The following CNGB1 variants were observed in gnomAD, a reference collection of about 807,000 sequenced individuals.
CNGB1 encodes the protein cyclic nucleotide gated channel subunit beta 1, also known as cyclic nucleotide-gated channel beta-1.
A neutral mutation model predicts 151.7 loss-of-function variants in CNGB1; 126 were observed. The ratio of observed to expected loss-of-function variants is 0.83; its 90% confidence interval spans 0.72 to 0.96. CNGB1 has a LOEUF of 0.96. CNGB1 is among the 40% of genes least tolerant of loss of function. CNGB1 has a pLI of 0.00. For missense variants in CNGB1, 1,698 were observed against 1,627.0 expected (o/e 1.04, Z -0.75); for synonymous variants, 623 against 635.1 (o/e 0.98, Z 0.29).
chr16:57,965,473 A>T (rs747788491), intron 2 of CNGB1, among the ~76,000 whole-genome samples: 1 of 152,234 alleles, frequency 6.6e-6, no homozygotes, highest in Non-Finnish European at 1.5e-5. Flanking sequence ...ATACAGGTGC[A>T]GAAATATGAG....
At chr16:57,914,867 C>G (rs1332407853) in intron 23 of CNGB1, among the ~76,000 whole-genome samples, 1 of 152,196 alleles carries the variant, frequency 6.6e-6, no homozygotes, top group African/African-American at 2.4e-5. Context: ...CAGAGACCAT[C>G]ATAAAGCAGA....
intron 31 of CNGB1, among the ~76,000 whole-genome samples, chr16:57,889,140 C>A (rs900348265): frequency 3.9e-5 from 6 of 152,160 alleles, no homozygotes; most frequent in African/African-American, 1.4e-4. Context: ...GGGACTCTCC[C>A]TTGCTGACTT....
intron 1 of CNGB1, among the ~76,000 whole-genome samples, chr16:57,969,498 G>A (rs1022870809): frequency 3.3e-5 from 5 of 152,004 alleles, no homozygotes; most frequent in African/African-American, 1.2e-4. Context: ...CGTGCCTGTA[G>A]TACCAGTTAC....
rs766264808 is a variant in CNGB1 at position 57,915,767 on chromosome 16, C to T, written c.2217+362G>A. Among the ~76,000 whole-genome samples, 9 of 151,808 alleles carry T rather than the reference C, an allele frequency of 5.9e-5. No homozygotes were observed. The South Asian group carries it at 1.0e-3, about 18-fold the overall frequency. ...TACAAAAATTAGCTGGGTGTGGTGA[C>T]GCACACTTGTAATCCCAGCTACTAG... On this transcript the variant is annotated intron_variant, in intron 22 of 32. Coordinates refer to ENST00000251102, the MANE Select transcript of CNGB1 (RefSeq NM_001297.5).
At chr16:57,918,652 G>A (rs572825492) in intron 20 of CNGB1, among the ~76,000 whole-genome samples, 2 of 152,276 alleles carry the variant, frequency 1.3e-5, no homozygotes, top group Admixed American at 6.5e-5. Flanking sequence ...CTGTACCTTA[G>A]TTTCCTCATC....
In CNGB1 at chr16:57,946,269, G is replaced by A. The variant is rs192110183; in HGVS notation, c.1121+3084C>T. The A allele has an allele frequency of 2.6e-3, 401 of 152,580 alleles. 1 individual carries two copies. Among genetic ancestry groups the A allele is most frequent in the Non-Finnish European group, 4.4e-3 (299 of 68,270 alleles). The allele number at this position is 152,580 out of a possible 1,614,324, so 9.5% of individuals were successfully genotyped here. A position where few individuals can be genotyped will look rare whatever the true frequency, so the allele number is the denominator to read the frequency against. On this transcript the variant is annotated intron_variant, in intron 14 of 32. Coordinates refer to ENST00000251102, the MANE Select transcript of CNGB1 (RefSeq NM_001297.5). ...CACTCCTCCCGCCTTGTGCCATCCC[G>A]CAGGCCGTGCCCCAACATTAAGGTC...
intron 26 of CNGB1, among the ~76,000 whole-genome samples, chr16:57,904,484 C>T (rs1380764573): frequency 6.6e-6 from 1 of 152,176 alleles, no homozygotes; most frequent in Non-Finnish European, 1.5e-5. Flanking sequence ...TGCAGAAAAC[C>T]ATTCAGCCCA....
intron 12 of CNGB1, chr16:57,954,889 A>C (rs2149383805): frequency 9.7e-7 from 1 of 1,033,982 alleles, no homozygotes; most frequent in African/African-American, 1.7e-5. Flanking sequence ...TGAGTCCTCC[A>C]TCCATGGGGC....
At chr16:57,900,828 T>A (rs1437597954) in intron 29 of CNGB1, among the ~76,000 whole-genome samples, 3 of 151,866 alleles carry the variant, frequency 2.0e-5, no homozygotes, top group African/African-American at 7.3e-5. Flanking sequence ...TTTTAAAGGT[T>A]GGGGACCAAT....
chr16:57,950,231 C>A, intron 13 of CNGB1, 150 bp downstream of exon 13: 1 of 911,230 alleles, frequency 1.1e-6, no homozygotes, highest in Non-Finnish European at 1.8e-6. Context: ...GGTAGCCATT[C>A]TACCCATGGG....
At chr16:57,894,515 C>T (rs1454286756) in intron 31 of CNGB1, among the ~76,000 whole-genome samples, 2 of 151,900 alleles carry the variant, frequency 1.3e-5, no homozygotes, top group African/African-American at 4.9e-5. Flanking sequence ...GCAGGAGAAT[C>T]ACCTGAACCC....
intron 24 of CNGB1, among the ~76,000 whole-genome samples, chr16:57,912,490 T>C (rs1960745203): frequency 6.6e-6 from 1 of 152,178 alleles, no homozygotes; most frequent in Non-Finnish European, 1.5e-5. Context: ...GGAAGATGCC[T>C]GGCTTCCAGT....
intron 12 of CNGB1, among the ~76,000 whole-genome samples, chr16:57,952,060 C>G (rs152144): frequency 0.46 from 70,208 of 152,208 alleles, 18,603 homozygotes; most frequent in Non-Finnish European, 0.59. Context: ...ATGCTGCTGT[C>G]CAGCAATAGT....
chr16:57,944,783 G>A (rs1961760423), intron 14 of CNGB1, among the ~76,000 whole-genome samples: 1 of 151,202 alleles, frequency 6.6e-6, no homozygotes. Context: ...GGCAAAACCC[G>A]CCTCTACTAA....
At chr16:57,888,194 T>C in intron 31 of CNGB1, 120 bp from the exon 32 acceptor site, 1 of 1,056,218 alleles carries the variant, frequency 9.5e-7, no homozygotes, top group South Asian at 1.3e-5. Context: ...CTGGTGATTG[T>C]AGAGAGTTTT....
rs1960999963 is a variant in CNGB1 at position 57,920,460 on chromosome 16, C to T, written c.1728G>A (p.Lys576=). ...TCTCCTTCACTTTCTCTGTCCGCTCCTTGAAGAGCTTCACCAGCTCCTGGA... is the reference window on the plus strand; with the variant it reads ...TCTCCTTCACTTTCTCTGTCCGCTCTTTGAAGAGCTTCACCAGCTCCTGGA... The part of the protein sequence containing the change: ...DRLQELVKLF[K]ERTEKVKEKL... The change falls in exon 19 of 33, where the codon AAG becomes AAA. Residue 576 remains lysine, a synonymous_variant. Transcript: ENST00000251102. 1 of 1,614,212 alleles carries T rather than the reference C, an allele frequency of 6.2e-7. No individual in the cohort carries two copies. The highest frequency in any genetic ancestry group is 8.5e-7 in the Non-Finnish European group (1 of 1,180,052).
intron 22 of CNGB1, 67 bp downstream of exon 22, chr16:57,916,062 C>A (rs561451628): frequency 1.3e-6 from 2 of 1,487,882 alleles, no homozygotes; most frequent in South Asian, 1.1e-5. Context: ...CCCAGGCACC[C>A]AGGGCCCTCT....
At chr16:57,909,447 G>A (rs1297399439) in intron 25 of CNGB1, among the ~76,000 whole-genome samples, 1 of 151,980 alleles carries the variant, frequency 6.6e-6, no homozygotes, top group African/African-American at 2.4e-5. Context: ...GTACAGTGGC[G>A]CAATTTTGGC....
At chr16:57,941,278 C>T (rs1158966156) in intron 14 of CNGB1, among the ~76,000 whole-genome samples, 1 of 152,164 alleles carries the variant, frequency 6.6e-6, no homozygotes, top group Non-Finnish European at 1.5e-5. Flanking sequence ...CCCTCCCCAC[C>T]CCTCAGACTC....
Sources: gnomAD v4.1 joint callset for allele counts (sites outside exome capture counted in the v4.1 genomes callset) on GRCh38, gnomAD v4.1.1 for gene constraint, MANE v1.5 for transcripts, NCBI Gene and HGNC (gene_info 2026-07-23, HGNC 2026-07-21) for gene names.